The following C2CD5 variants were observed in gnomAD, a reference collection of about 807,000 sequenced individuals.
C2CD5 encodes C2 domain-containing protein 5.
A neutral mutation model predicts 130.3 loss-of-function variants in C2CD5; 109 were observed. The ratio of observed to expected loss-of-function variants is 0.84; its 90% CI spans 0.72 to 0.98. C2CD5 has a LOEUF of 0.98. Among genes scored for constraint, C2CD5 ranks in the 50% least tolerant of loss-of-function variants. The pLI, the probability that C2CD5 is intolerant of heterozygous loss-of-function variation, is 0.00. For missense variants in C2CD5, 996 were observed against 1,261.8 expected (o/e 0.79, Z 3.19); for synonymous variants, 454 against 429.2 (o/e 1.06, Z -0.71).
chr12:22,501,488 T>C (rs527401284), intron 10 of C2CD5, among the ~76,000 whole-genome samples: 1 of 152,304 alleles, frequency 6.6e-6, no homozygotes, highest in East Asian at 1.9e-4. Flanking sequence ...CCTTTTTCTA[T>C]ATATCTTTCC....
chr12:22,478,202 TAAG>T, intron 15 of C2CD5, 108 bp downstream of exon 15: 1 of 798,570 alleles, frequency 1.3e-6, no homozygotes, highest in Non-Finnish European at 2.1e-6. Flanking sequence ...GAATGAGTAA[TAAG>T]GAGAGCTAAA....
In C2CD5 at chr12:22,470,798, G is replaced by A. The variant is rs763570233; in HGVS notation, c.2446+26C>T. On this transcript the variant is annotated intron_variant, in intron 21 of 26. Coordinates refer to ENST00000446597, the MANE Select transcript of C2CD5 (RefSeq NM_001286176.2). ...ACCATAACACAGACAAACACAAACT[G>A]AACTTCCTATTCAGTAAAGATTTAC... 5.7e-6 allele frequency: 8 copies of A among 1,408,434 alleles called. No individual in the cohort carries two copies. The South Asian group carries it at 8.2e-5, about 14-fold the overall frequency. 87.2% of individuals were successfully genotyped at this position (1,408,434 alleles called of 1,614,324 possible).
At chr12:22,512,696 A>T in intron 9 of C2CD5, 1 of 1,468,872 alleles carries the variant, frequency 6.8e-7, no homozygotes, top group East Asian at 2.6e-5. Flanking sequence ...AATGAAGTTT[A>T]TTTAAAAAAA....
intron 16 of C2CD5, among the ~76,000 whole-genome samples, chr12:22,474,080 T>C (rs1943469111): frequency 6.6e-6 from 1 of 152,112 alleles, no homozygotes; most frequent in African/African-American, 2.4e-5. Context: ...ACCACCAGCT[T>C]CCTGCTACAC....
At chr12:22,522,665 CAGTT>C (rs1339175641) in intron 7 of C2CD5, among the ~76,000 whole-genome samples, 2 of 152,164 alleles carry the variant, frequency 1.3e-5, no homozygotes, top group East Asian at 1.9e-4. Context: ...TAATTACACT[CAGTT>C]AGTTTATTCA....
intron 5 of C2CD5, 148 bp downstream of exon 5, chr12:22,525,462 G>C (rs2137058444): frequency 3.0e-6 from 2 of 656,616 alleles, no homozygotes; most frequent in Non-Finnish European, 5.4e-6. Flanking sequence ...CAGAACTACT[G>C]TAACTATTCT....
Position 22,459,537 on chromosome 12 carries a change from G to C in C2CD5, c.2539C>G (p.Leu847Val), listed in dbSNP as rs1480287395. The C allele has an allele frequency of 3.9e-6, 6 of 1,528,728 alleles. 1 individual carries two copies. The highest frequency in any genetic ancestry group is 5.3e-6 in the Non-Finnish European group (6 of 1,140,356). The allele number at this position is 1,528,728 out of a possible 1,614,324, so 94.7% of individuals were successfully genotyped here. The part of the protein sequence containing the change: ...SHPFPPAKEH[L>V]ESASSNSGIP... ...CCTGAGTTAGAACTTGCACTCTCCAGGTGTTCTAATAAGACAATATGAACA... is the reference window on the plus strand; with the variant it reads ...CCTGAGTTAGAACTTGCACTCTCCACGTGTTCTAATAAGACAATATGAACA... Residue 847 changes from leucine (L) to valine (V), a missense_variant, in exon 23 of 27, where the codon CTG (leucine) becomes GTG (valine). By Grantham distance (32) the Leu-to-Val change is conservative. Coordinates refer to ENST00000446597, the MANE Select transcript of C2CD5 (RefSeq NM_001286176.2).
At chr12:22,529,294 A>G (rs150105823) in intron 3 of C2CD5, among the ~76,000 whole-genome samples, 260 of 152,326 alleles carry the variant, frequency 1.7e-3, no homozygotes, top group African/African-American at 5.9e-3. Context: ...TTATGTATAC[A>G]TTTAACAGAA....
chr12:22,537,547 A>G (rs1229368126), intron 2 of C2CD5, among the ~76,000 whole-genome samples: 5 of 152,244 alleles, frequency 3.3e-5, no homozygotes, highest in Non-Finnish European at 5.9e-5. Context: ...CAGCAATTAA[A>G]TGAATGCCTT....
chr12:22,474,602 T>C (rs1484670083), intron 16 of C2CD5, 149 bp downstream of exon 16: 6 of 496,234 alleles, frequency 1.2e-5, no homozygotes, highest in Admixed American at 4.1e-5. Flanking sequence ...AGTTCTGTTA[T>C]TTTCAAGTTT....
At chr12:22,462,360 T>A (rs927876037) in intron 22 of C2CD5, among the ~76,000 whole-genome samples, 1 of 152,182 alleles carries the variant, frequency 6.6e-6, no homozygotes, top group African/African-American at 2.4e-5. Flanking sequence ...CTGCTTCTAT[T>A]ATAATTTGGT....
Position 22,518,052 on chromosome 12 carries a change from G to A in C2CD5, c.886C>T (p.Pro296Ser). ...GACTGTCGACTGTAGGACTTGGAAG[G>A]TGAAAAGGAATAAGTTTGGTTTTTC... is the stretch of plus-strand genomic sequence containing the variant. ...PLKNQTYSFSPSKSYSRQSSS... is the reference protein window; with the variant it reads ...PLKNQTYSFSSSKSYSRQSSS... The change falls in exon 8 of 27, where the codon CCT (proline) becomes TCT (serine). Residue 296 changes from proline to serine, a missense_variant. Coordinates refer to ENST00000446597, the MANE Select transcript of C2CD5 (RefSeq NM_001286176.2). 6.2e-7 allele frequency: 1 copy of A among 1,613,942 alleles called. No individual in the cohort carries two copies. The highest frequency in any genetic ancestry group is 1.1e-5 in the South Asian group (1 of 91,086).
chr12:22,478,151 G>A (rs926283261), intron 15 of C2CD5, 162 bp downstream of exon 15: 23 of 625,772 alleles, frequency 3.7e-5, no homozygotes, highest in Non-Finnish European at 3.4e-5. Flanking sequence ...AGGCTTACCC[G>A]AAAAGGAGAC....
chr12:22,468,018 C>G (rs535963806), intron 22 of C2CD5, among the ~76,000 whole-genome samples: 1 of 150,766 alleles, frequency 6.6e-6, no homozygotes, highest in South Asian at 2.1e-4. Context: ...CCACAAATAC[C>G]TTTTCCTACA....
chr12:22,542,046 A>G (rs767184841), intron 2 of C2CD5, among the ~76,000 whole-genome samples: 6 of 152,210 alleles, frequency 3.9e-5, no homozygotes, highest in Non-Finnish European at 7.3e-5. Flanking sequence ...TTTTAACCTA[A>G]GAAATGTCCC....
At chr12:22,515,103 A>G (rs1489831136) in intron 8 of C2CD5, 57 of 985,076 alleles carry the variant, frequency 5.8e-5, no homozygotes, top group Middle Eastern at 5.2e-4. Flanking sequence ...CAAGAGAGAG[A>G]GGGGGAGCTG....
At chr12:22,513,833 G>C (rs1301177612) in intron 8 of C2CD5, among the ~76,000 whole-genome samples, 1 of 152,036 alleles carries the variant, frequency 6.6e-6, no homozygotes, top group Non-Finnish European at 1.5e-5. Context: ...AAATTCTCTA[G>C]AAAACATAAA....
Position 22,518,556 on chromosome 12 carries a change from AT to A in C2CD5, c.801-420del, listed in dbSNP as rs1261764554. On this transcript the variant is annotated intron_variant, in intron 7 of 26. Coordinates refer to ENST00000446597, the MANE Select transcript of C2CD5 (RefSeq NM_001286176.2). ...ACACAGATATCCTCAAAAGAAAAAA[AT>A]GTTTCCTTATCCTATAGCAGCAAGA... 7.9e-5 allele frequency among the ~76,000 whole-genome samples: 12 copies of A among 152,256 alleles called. No individual in the cohort carries two copies. In the East Asian group the frequency reaches 1.9e-3, roughly 24 times the overall value.
chr12:22,508,918 A>G (rs7955157), intron 9 of C2CD5, among the ~76,000 whole-genome samples: 23,506 of 148,152 alleles, frequency 0.16, 3,673 homozygotes, highest in African/African-American at 0.41. Context: ...CGCCCAGGCC[A>G]GACTGCGGAC....
Sources: gnomAD v4.1 joint callset for allele counts (sites outside exome capture counted in the v4.1 genomes callset) on GRCh38, gnomAD v4.1.1 for gene constraint, MANE v1.5 for transcripts, NCBI Gene and HGNC (gene_info 2026-07-23, HGNC 2026-07-21) for gene names.